Variants in CSMD2 observed in about 807,000 individuals in gnomAD.
The protein encoded by CSMD2 is CUB and Sushi multiple domains 2, also known as CUB and sushi domain-containing protein 2.
CSMD2 carries 130 observed loss-of-function variants against 398.5 expected under a neutral mutation model. That is an observed-to-expected ratio of 0.33 (90% CI 0.28 to 0.38). The LOEUF is 0.38. Among genes scored for constraint, CSMD2 ranks in the 10% least tolerant of loss-of-function variants. The pLI, the probability that CSMD2 is intolerant of heterozygous loss-of-function variation, is 1.00. For synonymous variants in CSMD2, 1,828 were observed against 1,908.5 expected (o/e 0.96, Z 1.10); for missense variants, 3,829 against 4,764.9 (o/e 0.80, Z 5.78).
chr1:33,527,764 A>T (rs1654905495), intron 64 of CSMD2, among the ~76,000 whole-genome samples: 1 of 152,090 alleles, frequency 6.6e-6, no homozygotes, highest in Non-Finnish European at 1.5e-5. Flanking sequence ...GTAAGAAGTA[A>T]AGGAATAAAA....
intron 2 of CSMD2, among the ~76,000 whole-genome samples, chr1:34,057,380 T>G (rs1004265552): frequency 6.6e-6 from 1 of 152,286 alleles, no homozygotes; most frequent in East Asian, 1.9e-4. Context: ...CCTAGACCCC[T>G]AAGCCCTGAG....
At chr1:33,664,025 C>T (rs1434979960) in intron 25 of CSMD2, among the ~76,000 whole-genome samples, 2 of 152,186 alleles carry the variant, frequency 1.3e-5, no homozygotes, top group Non-Finnish European at 2.9e-5. Flanking sequence ...ACCAGTTTCT[C>T]CACTGATGTC....
rs1656512691 is a variant in CSMD2 at position 33,543,040 on chromosome 1, A to G, written c.9101-144T>C. 4.8e-6 allele frequency: 3 copies of G among 620,654 alleles called. No homozygotes were observed. In the South Asian group the frequency reaches 6.7e-5, roughly 14 times the overall value. 38.4% of individuals were successfully genotyped at this position (620,654 alleles called of 1,614,324 possible). Reference sequence around the variant, plus strand: ...TCTCATGCTGCTTTTGTATCGAATTATCTTGCCCCTAGACAGGAAGGAGAG... The same window carrying G: ...TCTCATGCTGCTTTTGTATCGAATTGTCTTGCCCCTAGACAGGAAGGAGAG... On this transcript the variant is annotated intron_variant, in intron 57 of 70. Coordinates refer to ENST00000373381, the MANE Select transcript of CSMD2 (RefSeq NM_001281956.2).
intron 60 of CSMD2, among the ~76,000 whole-genome samples, chr1:33,538,578 T>C (rs1362807967): frequency 1.3e-5 from 2 of 151,892 alleles, no homozygotes; most frequent in African/African-American, 4.8e-5. Context: ...GCCCTGAAGG[T>C]TGGGGTGTCT....
chr1:33,886,557 C>T (rs188292606), intron 5 of CSMD2, among the ~76,000 whole-genome samples: 7 of 152,216 alleles, frequency 4.6e-5, no homozygotes, highest in Admixed American at 3.3e-4. Flanking sequence ...CTGTTTTCAC[C>T]GGGAATGCTG....
At chr1:34,114,395 C>T (rs925317093) in intron 1 of CSMD2, among the ~76,000 whole-genome samples, 2 of 151,666 alleles carry the variant, frequency 1.3e-5, no homozygotes, top group African/African-American at 4.8e-5. Flanking sequence ...GGCAACATGG[C>T]TCAACTAAAG....
At chr1:33,884,585 A>G (rs2125184863) in intron 5 of CSMD2, 1 of 152,236 alleles carries the variant, frequency 6.6e-6, no homozygotes, top group South Asian at 2.1e-4. Context: ...ATCATCTCTC[A>G]CCTGGGCAAC....
At chr1:33,687,374 T>C (rs1472187748) in intron 25 of CSMD2, among the ~76,000 whole-genome samples, 4 of 152,170 alleles carry the variant, frequency 2.6e-5, no homozygotes, top group Non-Finnish European at 5.9e-5. Context: ...ATTAGTTTCC[T>C]TGAAATAAAA....
At chr1:33,700,377 C>T (rs1645571228) in intron 23 of CSMD2, 140 bp downstream of exon 23, 1 of 817,986 alleles carries the variant, frequency 1.2e-6, no homozygotes, top group Admixed American at 2.6e-5. Flanking sequence ...ACCCATGCAT[C>T]CACTGATGGA....
At chr1:33,740,843 GCA>G (rs1223626071) in intron 14 of CSMD2, among the ~76,000 whole-genome samples, 1 of 152,070 alleles carries the variant, frequency 6.6e-6, no homozygotes, top group Non-Finnish European at 1.5e-5. Flanking sequence ...GCGTGCATGC[GCA>G]CACACACAAG....
chr1:33,729,502 T>C (rs926208447), intron 15 of CSMD2, among the ~76,000 whole-genome samples: 45 of 151,068 alleles, frequency 3.0e-4, no homozygotes, highest in African/African-American at 1.0e-3. Context: ...TATTATACTT[T>C]AAGTTTTAGA....
intron 3 of CSMD2, among the ~76,000 whole-genome samples, chr1:33,991,880 A>G (rs915220564): frequency 6.6e-6 from 1 of 152,182 alleles, no homozygotes; most frequent in Non-Finnish European, 1.5e-5. Context: ...AATAAAAAAA[A>G]AGCAAATACC....
chr1:34,015,050 C>A (rs1647888176), intron 3 of CSMD2, among the ~76,000 whole-genome samples: 1 of 152,212 alleles, frequency 6.6e-6, no homozygotes, highest in Admixed American at 6.5e-5. Flanking sequence ...AGGCATATTT[C>A]TCAAGAAAAG....
intron 3 of CSMD2, among the ~76,000 whole-genome samples, chr1:33,981,626 A>G (rs1266405204): frequency 6.6e-6 from 1 of 152,248 alleles, no homozygotes; most frequent in Non-Finnish European, 1.5e-5. Flanking sequence ...AGTAGAGACC[A>G]GAACTAGATA....
At chr1:33,949,392 T>C (rs1428025816) in intron 3 of CSMD2, among the ~76,000 whole-genome samples, 1 of 152,190 alleles carries the variant, frequency 6.6e-6, no homozygotes, top group Non-Finnish European at 1.5e-5. Flanking sequence ...ACCCTGGCTC[T>C]GCCAGGCAGG....
At chr1:33,805,941 G>C (rs1365971760) in intron 10 of CSMD2, among the ~76,000 whole-genome samples, 1 of 151,976 alleles carries the variant, frequency 6.6e-6, no homozygotes. Context: ...AGTGTAATAA[G>C]GAATACTCAA....
chr1:33,838,309 C>G lies in CSMD2; in HGVS notation c.1033+8575G>C, dbSNP rs114258921. On this transcript the variant is annotated intron_variant, in intron 6 of 70. Coordinates refer to ENST00000373381, the MANE Select transcript of CSMD2 (RefSeq NM_001281956.2). ...CTTCTTTCAATGTTCTAAGACACTCCTACCTATACTCATCCTTTTTTGCTA... is the reference window on the plus strand; with the variant it reads ...CTTCTTTCAATGTTCTAAGACACTCGTACCTATACTCATCCTTTTTTGCTA... 5.1e-3 allele frequency among the ~76,000 whole-genome samples: 782 copies of G among 152,336 alleles called. 12 individuals are homozygous for G. The highest frequency in any genetic ancestry group is 0.018 in the African/African-American group (747 of 41,580).
At chr1:33,770,187 G>T (rs1651072756) in intron 13 of CSMD2, among the ~76,000 whole-genome samples, 1 of 152,172 alleles carries the variant, frequency 6.6e-6, no homozygotes, top group Admixed American at 6.5e-5. Context: ...TATGATCATA[G>T]AGGCTTAGAA....
At chr1:33,950,589 T>G (rs1263891349) in intron 3 of CSMD2, among the ~76,000 whole-genome samples, 1 of 152,038 alleles carries the variant, frequency 6.6e-6, no homozygotes. Flanking sequence ...GGATGGGCAT[T>G]GAGGGAAACG....
Sources: allele counts gnomAD v4.1 joint callset (sites outside exome capture counted in the v4.1 genomes callset), GRCh38; gene constraint gnomAD v4.1.1; transcripts MANE v1.5; gene names NCBI Gene and HGNC (gene_info 2026-07-23, HGNC 2026-07-21).